Variants in RGS6 observed in about 807,000 individuals in gnomAD.
RGS6 encodes regulator of G-protein signaling 6.
Under a neutral mutation model 78.5 loss-of-function variants are expected in RGS6, and 30 were observed. That is an observed-to-expected ratio of 0.38 (90% confidence interval 0.29 to 0.52). The LOEUF (loss-of-function observed/expected upper bound fraction) is 0.52. Ranked by LOEUF, RGS6 falls within the 20% of genes least tolerant of loss-of-function variation. The pLI is 0.85. For synonymous variants in RGS6, 206 were observed against 206.0 expected, an observed-to-expected ratio of 1.00 and a Z score of 0.00; for missense variants, 495 against 609.7, an observed-to-expected ratio of 0.81 and a Z score of 1.98.
chr14:72,102,413 AGAATT>A (rs1265639793), intron 2 of RGS6, among the ~76,000 whole-genome samples: 1 of 152,274 alleles, frequency 6.6e-6, no homozygotes, highest in Non-Finnish European at 1.5e-5. Context: ...GAATTGGAAA[AGAATT>A]CTAAAATCTC....
At chr14:71,996,328 T>G (rs1274506636) in intron 2 of RGS6, among the ~76,000 whole-genome samples, 1 of 152,154 alleles carries the variant, frequency 6.6e-6, no homozygotes, top group Non-Finnish European at 1.5e-5. Context: ...ATTTGTTAAG[T>G]AAATGGAGCA....
At chr14:72,597,311 G>T in the RGS6 span, among the ~76,000 whole-genome samples, 30 of 152,132 alleles carry the variant, frequency 2.0e-4, no homozygotes, top group African/African-American at 7.0e-4. Context: ...ATTTGTTTTT[G>T]AATATTATAA....
At chr14:72,415,773 T>C (rs2093765004) in intron 3 of RGS6, among the ~76,000 whole-genome samples, 1 of 152,226 alleles carries the variant, frequency 6.6e-6, no homozygotes, top group Non-Finnish European at 1.5e-5. Flanking sequence ...GAATTAATGC[T>C]TCTTGATTTG....
chr14:72,283,125 T>C (rs963507740), intron 2 of RGS6, among the ~76,000 whole-genome samples: 1 of 152,254 alleles, frequency 6.6e-6, no homozygotes, highest in African/African-American at 2.4e-5. Context: ...TAAGGCTGAA[T>C]AATATTCCAC....
At chr14:72,164,727 CCTTT>C (rs2096901613) in intron 2 of RGS6, among the ~76,000 whole-genome samples, 1 of 152,092 alleles carries the variant, frequency 6.6e-6, no homozygotes, top group Non-Finnish European at 1.5e-5. Context: ...TCTCTTCCTT[CCTTT>C]TTGTTGGCTA....
the RGS6 span, among the ~76,000 whole-genome samples, chr14:71,883,492 G>A: frequency 6.6e-6 from 1 of 152,164 alleles, no homozygotes; most frequent in Non-Finnish European, 1.5e-5. Flanking sequence ...CCTCAGTGTG[G>A]CCCGGCCTTT....
intron 2 of RGS6, among the ~76,000 whole-genome samples, chr14:72,133,329 T>C (rs932331804): frequency 1.3e-5 from 2 of 152,082 alleles, no homozygotes; most frequent in East Asian, 1.9e-4. Flanking sequence ...TGTCAAGATA[T>C]ACTCTAGTTA....
At chr14:72,109,320 T>A (rs572464176) in intron 2 of RGS6, among the ~76,000 whole-genome samples, 1 of 152,184 alleles carries the variant, frequency 6.6e-6, no homozygotes, top group South Asian at 2.1e-4. Context: ...TGTCCATTAA[T>A]TTTTGAACAT....
chr14:72,540,555 G>C (rs769893400), intron 17 of RGS6: 1 of 1,560,476 alleles, frequency 6.4e-7, no homozygotes, highest in Admixed American at 1.7e-5. Context: ...TGTGGGTCGC[G>C]AGCTAATGTT....
chr14:72,110,013 A>T (rs1178346902), intron 2 of RGS6, among the ~76,000 whole-genome samples: 1 of 152,140 alleles, frequency 6.6e-6, no homozygotes, highest in Non-Finnish European at 1.5e-5. Context: ...AAAAAAAGAA[A>T]ACTTTCTGAC....
chr14:72,011,868 A>G (rs1460583573), intron 2 of RGS6, among the ~76,000 whole-genome samples: 3 of 152,182 alleles, frequency 2.0e-5, no homozygotes, highest in Admixed American at 6.5e-5. Flanking sequence ...TTAACGGTCT[A>G]TTGTTTCTCA....
intron 3 of RGS6, among the ~76,000 whole-genome samples, chr14:72,387,823 G>A (rs1273377805): frequency 1.3e-5 from 2 of 152,136 alleles, no homozygotes; most frequent in African/African-American, 4.8e-5. Flanking sequence ...CAGTTCTGGA[G>A]GCTCAGAATC....
intron 17 of RGS6, among the ~76,000 whole-genome samples, chr14:72,557,829 C>T (rs984196562): frequency 6.6e-6 from 1 of 152,088 alleles, no homozygotes; most frequent in Non-Finnish European, 1.5e-5. Context: ...AGTTCTGTTG[C>T]GAGTTCGAAT....
downstream of RGS6, among the ~76,000 whole-genome samples, chr14:72,569,117 T>G (rs912141049): frequency 2.6e-5 from 4 of 151,576 alleles, no homozygotes; most frequent in Admixed American, 6.6e-5. Context: ...CTGGGGTGTG[T>G]GTGTGTGTGT....
At chr14:72,484,809 G>T (rs1275819433) in intron 12 of RGS6, among the ~76,000 whole-genome samples, 1 of 151,988 alleles carries the variant, frequency 6.6e-6, no homozygotes, top group African/African-American at 2.4e-5. Flanking sequence ...TTTGCTGTTA[G>T]CTCAGCTCTA....
chr14:71,880,748 A>C, the RGS6 span, among the ~76,000 whole-genome samples: 1 of 152,230 alleles, frequency 6.6e-6, no homozygotes, highest in Non-Finnish European at 1.5e-5. Flanking sequence ...CAGGGCCCTC[A>C]TGGACAACCT....
chr14:71,912,463 T>C, the RGS6 span, among the ~76,000 whole-genome samples: 25 of 152,192 alleles, frequency 1.6e-4, no homozygotes, highest in African/African-American at 6.0e-4. Context: ...AAGAGTGTTA[T>C]AGTGTCACTA....
intron 2 of RGS6, among the ~76,000 whole-genome samples, chr14:72,154,701 G>T (rs974695394): frequency 2.0e-5 from 3 of 152,234 alleles, no homozygotes; most frequent in African/African-American, 7.2e-5. Flanking sequence ...TTTCTAAATA[G>T]ATAAATGATA....
the RGS6 span, among the ~76,000 whole-genome samples, chr14:72,588,946 C>A: frequency 6.6e-6 from 1 of 152,160 alleles, no homozygotes. Flanking sequence ...AGCATGCCCC[C>A]CCAACTCTGT....
Sources: allele counts gnomAD v4.1 joint callset (sites outside exome capture counted in the v4.1 genomes callset), GRCh38; gene constraint gnomAD v4.1.1; transcripts MANE v1.5; gene names NCBI Gene and HGNC (gene_info 2026-07-23, HGNC 2026-07-21).